RAMP1: variants seen among roughly 807,000 people sequenced by gnomAD.
The protein encoded by RAMP1 is receptor activity-modifying protein 1.
In RAMP1, 7 loss-of-function variants were observed where a neutral mutation model predicts 8.2. That is an observed-to-expected ratio of 0.85 (90% CI 0.49 to 1.60). The LOEUF is 1.60. Among genes scored for constraint, RAMP1 ranks in the 40% most tolerant of loss-of-function variants. The pLI, the probability that RAMP1 is intolerant of heterozygous loss-of-function variation, is 0.00. For missense variants in RAMP1, 192 were observed against 202.4 expected, an observed-to-expected ratio of 0.95 and a Z score of 0.31; for synonymous variants, 92 against 84.7, an observed-to-expected ratio of 1.09 and a Z score of -0.47.
intron 2 of RAMP1, among the ~76,000 whole-genome samples, chr2:237,882,839 G>GCCATCAC (rs556328449): frequency 0.12 from 18,495 of 151,992 alleles, 1,354 homozygotes; most frequent in African/African-American, 0.21. Context: ...CCAGGTGTGG[G>GCCATCAC]CAGGTGGCAC....
At chr2:237,902,022 T>C (rs2062603282) in intron 2 of RAMP1, among the ~76,000 whole-genome samples, 1 of 151,932 alleles carries the variant, frequency 6.6e-6, no homozygotes, top group Non-Finnish European at 1.5e-5. Flanking sequence ...AGGCATGGCA[T>C]GGGGGCCCTG....
intron 2 of RAMP1, among the ~76,000 whole-genome samples, chr2:237,892,574 T>C (rs189206467): frequency 6.6e-6 from 1 of 152,336 alleles, no homozygotes; most frequent in Non-Finnish European, 1.5e-5. Context: ...TTTTCTCTTC[T>C]ATTATTACTG....
chr2:237,911,966 T>A lies in RAMP1; in HGVS notation c.*183T>A. On this transcript the variant is annotated 3_prime_UTR_variant, in exon 3 of 3. Coordinates refer to ENST00000254661, the MANE Select transcript of RAMP1 (RefSeq NM_005855.4). ...TCTGGTATTAACCTGGAAGCCCCCCTGGCTGGAGGCCACCGCCACCCTAGG... is the reference window on the plus strand; with the variant it reads ...TCTGGTATTAACCTGGAAGCCCCCCAGGCTGGAGGCCACCGCCACCCTAGG... 1 of 1,050,432 alleles carries A rather than the reference T, an allele frequency of 9.5e-7. No individual in the cohort carries two copies. Among genetic ancestry groups the A allele is most frequent in the Non-Finnish European group, 1.3e-6 (1 of 750,368 alleles). The allele number at this position is 1,050,432 out of a possible 1,614,324, so 65.1% of individuals were successfully genotyped here. A position where few individuals can be genotyped will look rare whatever the true frequency, so the allele number is the denominator to read the frequency against.
rs1273574035 is a variant in RAMP1, at chr2:237,911,539, A to G, written c.203A>G (p.Glu68Gly). The G allele has an allele frequency of 3.7e-6, 6 of 1,614,048 alleles. 1 individual carries two copies. The Admixed American group carries it at 1.0e-4, about 27-fold the overall frequency. Residue 68 changes from glutamate (E) to glycine (G), a missense_variant, in exon 3 of 3, where the codon GAG (glutamate) becomes GGG (glycine). Physicochemically the swap from Glu to Gly is moderately conservative, Grantham distance 98. Coordinates refer to ENST00000254661, the MANE Select transcript of RAMP1 (RefSeq NM_005855.4). ...TCTTCCATCCGCAGGAGCTACAGGG[A>G]GCTGGCCGACTGCACCTGGCACATG... ...DWGRTIRSYR[E>G]LADCTWHMAE...
At chr2:237,885,604 G>A (rs895576) in intron 2 of RAMP1, among the ~76,000 whole-genome samples, 26,062 of 152,212 alleles carry the variant, frequency 0.17, 2,467 homozygotes, top group Middle Eastern at 0.26. Context: ...CAGGACAGAT[G>A]GCAGTGCCCA....
chr2:237,881,280 G>T (rs140117195), intron 2 of RAMP1, among the ~76,000 whole-genome samples: 116 of 152,298 alleles, frequency 7.6e-4, no homozygotes, highest in Middle Eastern at 3.4e-3. Flanking sequence ...GTACTCCGCC[G>T]TGCAGAGTCT....
At chr2:237,874,874 G>A (rs993565355) in intron 1 of RAMP1, among the ~76,000 whole-genome samples, 1 of 150,836 alleles carries the variant, frequency 6.6e-6, no homozygotes, top group Non-Finnish European at 1.5e-5. Flanking sequence ...AAATGGGCTG[G>A]GGGACAGGGT....
intron 1 of RAMP1, among the ~76,000 whole-genome samples, chr2:237,864,367 G>T (rs1036853975): frequency 1.3e-5 from 2 of 152,354 alleles, no homozygotes; most frequent in South Asian, 4.1e-4. Flanking sequence ...GCCCCAGGCC[G>T]GGAGGGGAAG....
At chr2:237,905,278 C>T (rs556667338) in intron 2 of RAMP1, among the ~76,000 whole-genome samples, 8 of 152,346 alleles carry the variant, frequency 5.3e-5, no homozygotes, top group African/African-American at 1.9e-4. Context: ...ATTCTTTTAT[C>T]ACATCCTCAC....
chr2:237,875,227 G>T (rs3769032), intron 1 of RAMP1, among the ~76,000 whole-genome samples: 33,024 of 152,122 alleles, frequency 0.22, 4,286 homozygotes, highest in African/African-American at 0.37. Context: ...CCTGACTGGG[G>T]GTGAAAGAAG....
At position 237,911,677 on chromosome 2, in the gene RAMP1, C is replaced by T. The variant is rs1017977989; in HGVS notation, c.341C>T (p.Pro114Leu). ...CPISGRAVRD[P>L]PGSILYPFIV... ...ATCTCAGGCAGGGCCGTGCGGGACC[C>T]GCCCGGCAGCATCCTCTACCCCTTC... Residue 114 changes from proline to leucine, a missense_variant, in exon 3 of 3, where the codon CCG (proline) becomes CTG (leucine). Physicochemically the swap from Pro to Leu is moderately conservative, Grantham distance 98 (BLOSUM62 -3). Coordinates refer to ENST00000254661, the MANE Select transcript of RAMP1 (RefSeq NM_005855.4). 9.3e-6 allele frequency: 15 copies of T among 1,613,884 alleles called. No individual in the cohort carries two copies. The highest frequency in any genetic ancestry group is 6.7e-5 in the East Asian group (3 of 44,886).
At chr2:237,866,484 G>C (rs1467193506) in intron 1 of RAMP1, among the ~76,000 whole-genome samples, 2 of 152,090 alleles carry the variant, frequency 1.3e-5, no homozygotes, top group East Asian at 3.9e-4. Flanking sequence ...GTTGGAGAGT[G>C]ACTCACTGCT....
Position 237,877,149 on chromosome 2 carries a change from G to A in RAMP1, c.53-75G>A. On this transcript the variant is annotated intron_variant, in intron 1 of 2. Transcript: ENST00000254661. This position sits in a 1 kb window ranked among gnomAD's most constrained non-coding sequence, Gnocchi z 4.4. ...GTTCTCGTGGAGTCCGGGCTGCAGG[G>A]GCGCGCGGGCTGGCGGTGATACCCC... 4 of 1,598,874 alleles carry A rather than the reference G, an allele frequency of 2.5e-6. No homozygotes were observed. The highest frequency in any genetic ancestry group is 3.4e-6 in the Non-Finnish European group (4 of 1,173,642).
chr2:237,901,925 C>T (rs2062602059), intron 2 of RAMP1, among the ~76,000 whole-genome samples: 1 of 152,100 alleles, frequency 6.6e-6, no homozygotes, highest in African/African-American at 2.4e-5. Flanking sequence ...GGACGAGTCA[C>T]TTCTGCCCCA....
intron 2 of RAMP1, among the ~76,000 whole-genome samples, chr2:237,888,287 T>C (rs1270525899): frequency 6.6e-6 from 1 of 152,164 alleles, no homozygotes; most frequent in African/African-American, 2.4e-5. Flanking sequence ...ACTCCTGATC[T>C]CAGGTGATCC....
chr2:237,869,303 C>A (rs1304699440), intron 1 of RAMP1, among the ~76,000 whole-genome samples: 3 of 152,146 alleles, frequency 2.0e-5, no homozygotes, highest in African/African-American at 7.2e-5. Context: ...ATAAAATGTA[C>A]CATCTTACCT....
intron 2 of RAMP1, among the ~76,000 whole-genome samples, chr2:237,898,105 T>C (rs533423756): frequency 9.9e-5 from 15 of 152,190 alleles, no homozygotes; most frequent in Non-Finnish European, 1.9e-4. Flanking sequence ...GGCCAGATGC[T>C]GTAATTCTTT....
At chr2:237,867,359 G>A (rs974423784) in intron 1 of RAMP1, among the ~76,000 whole-genome samples, 3 of 152,094 alleles carry the variant, frequency 2.0e-5, no homozygotes, top group Non-Finnish European at 4.4e-5. Flanking sequence ...TCTCAGTGGC[G>A]GCAGCGGCAG....
chr2:237,912,104 G>A lies in RAMP1; in HGVS notation c.*321G>A. 2.7e-6 allele frequency: 1 copy of A among 364,958 alleles called. No homozygotes were observed. Among genetic ancestry groups the A allele is most frequent in the Non-Finnish European group, 5.0e-6 (1 of 198,320 alleles). The allele number at this position is 364,958 out of a possible 1,614,324, so 22.6% of individuals were successfully genotyped here. On this transcript the variant is annotated 3_prime_UTR_variant, in exon 3 of 3. Transcript: ENST00000254661. ...GTTTGTGATTAAAAGGGATGTTCTT[G>A]AACTTGGAAAGACTCATTATCTCTG...
Sources: allele counts gnomAD v4.1 joint callset (sites outside exome capture counted in the v4.1 genomes callset), GRCh38; gene constraint gnomAD v4.1.1; non-coding constraint Gnocchi (gnomAD v3.1); transcripts MANE v1.5; gene names NCBI Gene and HGNC (gene_info 2026-07-23, HGNC 2026-07-21).